Variants in MICU2 observed in about 807,000 individuals in gnomAD.
MICU2 encodes calcium uptake protein 2, mitochondrial.
Under a neutral mutation model 60.4 loss-of-function variants are expected in MICU2, and 64 were observed. The observed-to-expected ratio is 1.06, with a 90% confidence interval of 0.87 to 1.31. The LOEUF is 1.31. Ranked by LOEUF, MICU2 falls within the 50% of genes most tolerant of loss-of-function variation. The probability of loss-of-function intolerance (pLI) is 0.00; values close to 1 mark genes in which losing one functional copy is unlikely to be tolerated. For missense variants in MICU2, 569 were observed against 531.0 expected, an observed-to-expected ratio of 1.07 and a Z score of -0.70; for synonymous variants, 201 against 175.0, an observed-to-expected ratio of 1.15 and a Z score of -1.17.
At chr13:21,566,409 C>A (rs1156533676) in intron 2 of MICU2, among the ~76,000 whole-genome samples, 2 of 152,074 alleles carry the variant, frequency 1.3e-5, no homozygotes, top group African/African-American at 4.8e-5. Flanking sequence ...TATAGTTTTT[C>A]AACTTCTTGT....
chr13:21,517,189 A>C (rs1886591068), intron 6 of MICU2, among the ~76,000 whole-genome samples: 1 of 152,232 alleles, frequency 6.6e-6, no homozygotes, highest in Admixed American at 6.5e-5. Flanking sequence ...TATTTACAAA[A>C]CACAAAAGTA....
intron 2 of MICU2, among the ~76,000 whole-genome samples, chr13:21,554,409 G>GT (rs1368621118): frequency 8.5e-5 from 13 of 152,164 alleles, no homozygotes; most frequent in African/African-American, 2.9e-4. Flanking sequence ...CATGGAAACT[G>GT]AACAACCTGC....
rs149681059 is a variant in MICU2 at position 21,584,464 on chromosome 13, C to T, written c.211-17520G>A. Among the ~76,000 whole-genome samples, 411 of 151,858 alleles carry T rather than the reference C, an allele frequency of 2.7e-3. 2 individuals carry two copies. Among genetic ancestry groups the T allele is most frequent in the African/African-American group, 9.5e-3 (395 of 41,398 alleles). On this transcript the variant is annotated intron_variant, in intron 1 of 11. Transcript: ENST00000382374. ...GAGGGACTGAGGACAAAGATGCCTG[C>T]GATCTTAAGGTATACAAGTTTCTAG...
intron 2 of MICU2, among the ~76,000 whole-genome samples, chr13:21,554,445 C>T (rs1221375015): frequency 6.6e-6 from 1 of 152,036 alleles, no homozygotes; most frequent in Non-Finnish European, 1.5e-5. Context: ...GGGTACATAA[C>T]GAAATGAAGG....
Position 21,604,117 on chromosome 13 carries a change from A to G in MICU2, c.32T>C (p.Val11Ala). 1 of 1,576,868 alleles carries G rather than the reference A, an allele frequency of 6.3e-7. No homozygotes were observed. The highest frequency in any genetic ancestry group is 1.1e-5 in the South Asian group (1 of 87,176). Reference sequence around the variant, plus strand: ...TCGCAGTTTTCCGCCCCAGGCCGCCACCCGCGCGCAGCTACCCGCAGCCGC... The same window carrying G: ...TCGCAGTTTTCCGCCCCAGGCCGCCGCCCGCGCGCAGCTACCCGCAGCCGC... MAAAAGSCAR[V>A]AAWGGKLRRG... Residue 11 changes from valine to alanine, a missense_variant, in exon 1 of 12, where the codon GTG becomes GCG. Physicochemically the swap from Val to Ala is moderately conservative, Grantham distance 64 (BLOSUM62 0). Coordinates refer to ENST00000382374, the MANE Select transcript of MICU2 (RefSeq NM_152726.3).
At chr13:21,562,848 T>G (rs1278892774) in intron 2 of MICU2, among the ~76,000 whole-genome samples, 1 of 152,252 alleles carries the variant, frequency 6.6e-6, no homozygotes, top group African/African-American at 2.4e-5. Context: ...TGTCTTCCTT[T>G]CTTCATGCCA....
Position 21,506,018 on chromosome 13 carries a change from C to T in MICU2, c.762-2921G>A, listed in dbSNP as rs73443821. ...TCTTTTCGTTTTCATTCTTCATGCC[C>T]AGACTCCACTTTTTTTTTTTTTTGA... On this transcript the variant is annotated intron_variant, in intron 8 of 11. Coordinates refer to ENST00000382374, the MANE Select transcript of MICU2 (RefSeq NM_152726.3). 3.5e-3 allele frequency among the ~76,000 whole-genome samples: 539 copies of T among 151,880 alleles called. 3 individuals carry two copies. The highest frequency in any genetic ancestry group is 0.012 in the African/African-American group (509 of 41,422).
intron 4 of MICU2, among the ~76,000 whole-genome samples, chr13:21,533,552 T>C (rs377697169): frequency 6.4e-4 from 98 of 151,994 alleles, no homozygotes; most frequent in Middle Eastern, 3.4e-3. Flanking sequence ...CTCGATCCCC[T>C]GACCTCGTGA....
rs1219620320 is a variant in MICU2 at position 21,495,248 on chromosome 13, A to G, written c.1113T>C (p.Phe371=). The G allele has an allele frequency of 3.7e-5, 59 of 1,613,468 alleles. No homozygotes were observed. The highest frequency in any genetic ancestry group is 4.8e-5 in the Non-Finnish European group (57 of 1,179,748). Reference sequence around the variant, plus strand: ...CATCACCATCCAAATCAAAGATCTTAAAGACAGTGTCCAAAATATTGTTTG... The same window carrying G: ...CATCACCATCCAAATCAAAGATCTTGAAGACAGTGTCCAAAATATTGTTTG... ...ELSNNILDTV[F]KIFDLDGDEC... Residue 371 remains phenylalanine, a synonymous_variant, in exon 11 of 12, where the codon TTT becomes TTC. Transcript: ENST00000382374.
At chr13:21,565,704 G>A (rs572853599) in intron 2 of MICU2, among the ~76,000 whole-genome samples, 12 of 152,084 alleles carry the variant, frequency 7.9e-5, no homozygotes, top group Admixed American at 3.3e-4. Context: ...ATGGTGGTGG[G>A]CACCTGTAAT....
chr13:21,541,151 C>A (rs1197569164), intron 2 of MICU2, among the ~76,000 whole-genome samples: 2 of 151,870 alleles, frequency 1.3e-5, no homozygotes, highest in Non-Finnish European at 2.9e-5. Flanking sequence ...TTTAAGGTAG[C>A]AAAATGGATG....
chr13:21,517,821 G>A (rs1036625537), intron 6 of MICU2, among the ~76,000 whole-genome samples: 3 of 149,786 alleles, frequency 2.0e-5, no homozygotes, highest in Non-Finnish European at 3.0e-5. Context: ...GCGCACACGC[G>A]CTACATACTT....
intron 7 of MICU2, among the ~76,000 whole-genome samples, chr13:21,512,111 C>G (rs1224847851): frequency 6.6e-6 from 1 of 152,166 alleles, no homozygotes; most frequent in Non-Finnish European, 1.5e-5. Context: ...TTCTCTGCAT[C>G]CTTGCCACCA....
intron 2 of MICU2, among the ~76,000 whole-genome samples, chr13:21,560,028 C>T (rs540203480): frequency 2.8e-4 from 43 of 152,252 alleles, no homozygotes; most frequent in Non-Finnish European, 5.3e-4. Context: ...TGCCTACTTA[C>T]TACTTCTGTC....
At chr13:21,533,067 G>A (rs1160105074) in intron 4 of MICU2, among the ~76,000 whole-genome samples, 6 of 152,124 alleles carry the variant, frequency 3.9e-5, no homozygotes, top group Non-Finnish European at 8.8e-5. Context: ...GGCTTATGTT[G>A]TACAGAATAG....
chr13:21,493,939 A>G (rs1435660140), intron 11 of MICU2, among the ~76,000 whole-genome samples: 1 of 152,214 alleles, frequency 6.6e-6, no homozygotes, highest in Non-Finnish European at 1.5e-5. Context: ...CCGGGGGACC[A>G]CAGGAGCATA....
chr13:21,589,156 T>C (rs7332867), intron 1 of MICU2, among the ~76,000 whole-genome samples: 149,890 of 152,326 alleles, frequency 0.98, 73,781 homozygotes, highest in Middle Eastern at 1. Context: ...ATAACAAAGG[T>C]ACTGCAAGGT....
intron 2 of MICU2, among the ~76,000 whole-genome samples, chr13:21,546,002 T>G (rs1341067574): frequency 6.6e-6 from 1 of 152,174 alleles, no homozygotes; most frequent in East Asian, 1.9e-4. Context: ...ATGTACCCCA[T>G]AAGTATGTAC....
intron 1 of MICU2, among the ~76,000 whole-genome samples, chr13:21,602,075 C>T (rs1193339882): frequency 1.0e-4 from 15 of 150,604 alleles, no homozygotes; most frequent in Non-Finnish European, 1.9e-4. Flanking sequence ...CGCCACTGCA[C>T]TCCAGCCTGG....
Sources: gnomAD v4.1 joint callset for allele counts (sites outside exome capture counted in the v4.1 genomes callset) on GRCh38, gnomAD v4.1.1 for gene constraint, MANE v1.5 for transcripts, NCBI Gene and HGNC (gene_info 2026-07-23, HGNC 2026-07-21) for gene names.